Variants in LSM11 observed in about 807,000 individuals in gnomAD.
LSM11 encodes the protein LSM11, U7 small nuclear RNA associated.
A neutral mutation model predicts 28.1 loss-of-function variants in LSM11; 14 were observed. That is an observed-to-expected ratio of 0.50 (90% CI 0.33 to 0.78). LSM11 has a LOEUF of 0.78. Ranked by LOEUF, LSM11 falls within the 30% of genes least tolerant of loss-of-function variation. LSM11 has a pLI of 0.02. For missense variants in LSM11, 495 were observed against 510.6 expected (o/e 0.97, Z 0.30); for synonymous variants, 207 against 214.2 (o/e 0.97, Z 0.30).
rs1388806267 is a variant in LSM11, at chr5:157,755,419, T to C, written c.*155T>C. ...AGGCTCAGCCCCCTGGAAGATGAGC[T>C]CAAGGGGAGGACAGGCCTTGGGAGG... On this transcript the variant is annotated 3_prime_UTR_variant, in exon 4 of 4. Coordinates refer to ENST00000286307, the MANE Select transcript of LSM11 (RefSeq NM_173491.4). 2.5e-6 allele frequency: 2 copies of C among 810,470 alleles called. No homozygotes were observed. The highest frequency in any genetic ancestry group is 3.8e-6 in the Non-Finnish European group (2 of 528,926). 50.2% of individuals were successfully genotyped at this position (810,470 alleles called of 1,614,324 possible). A position where few individuals can be genotyped will look rare whatever the true frequency, so the allele number is the denominator to read the frequency against.
intron 2 of LSM11, among the ~76,000 whole-genome samples, chr5:157,751,873 A>G (rs917291683): frequency 7.2e-5 from 11 of 152,174 alleles, no homozygotes; most frequent in African/African-American, 2.4e-4. Flanking sequence ...AACACACAAG[A>G]TAGTCCCTCA....
At chr5:157,754,799 A>G in intron 3 of LSM11, 55 bp from the exon 4 acceptor site, 1 of 1,487,062 alleles carries the variant, frequency 6.7e-7, no homozygotes, top group Non-Finnish European at 9.1e-7. Flanking sequence ...GTATGTTGAA[A>G]GAGGGTGATG....
chr5:157,748,720 G>T (rs996958432), intron 1 of LSM11, among the ~76,000 whole-genome samples: 1 of 152,088 alleles, frequency 6.6e-6, no homozygotes, highest in Non-Finnish European at 1.5e-5. Context: ...CAAGTTTTAG[G>T]TCTTTAAAGA....
At position 157,755,193 on chromosome 5, in the gene LSM11, G is replaced by A. The variant is rs774851333; in HGVS notation, c.1012G>A (p.Val338Ile). Residue 338 changes from valine (V) to isoleucine (I), a missense_variant, in exon 4 of 4, where the codon GTA (valine) becomes ATA (isoleucine). Val to Ile is a conservative substitution (Grantham distance 29, BLOSUM62 3). Transcript: ENST00000286307. ...KRKPKVDYQQ[V>I]FTRHINQIFI... ...AAAGCCCAAAGTGGATTACCAGCAG[G>A]TATTCACTCGACACATAAATCAGAT... 6.2e-7 allele frequency: 1 copy of A among 1,614,238 alleles called. No homozygotes were observed. The highest frequency in any genetic ancestry group is 8.5e-7 in the Non-Finnish European group (1 of 1,180,028).
In LSM11 at chr5:157,759,096, ACCT is replaced by A. The variant is rs1761373515; in HGVS notation, c.*3833_*3835del. On this transcript the variant is annotated 3_prime_UTR_variant, in exon 4 of 4. Transcript: ENST00000286307. ...GGAGAGTGGCTTTAGACCAGTCAGT[ACCT>A]TGCTCTTTGTGCATGGTGCATGTCA... 6.6e-6 allele frequency: 1 copy of A among 152,190 alleles called. No homozygotes were observed. The highest frequency in any genetic ancestry group is 6.5e-5 in the Admixed American group (1 of 15,272). The allele number at this position is 152,190 out of a possible 1,614,324, so 9.4% of individuals were successfully genotyped here. A position where few individuals can be genotyped will look rare whatever the true frequency, so the allele number is the denominator to read the frequency against.
chr5:157,750,093 A>G (rs1761207827), intron 1 of LSM11, among the ~76,000 whole-genome samples: 3 of 151,896 alleles, frequency 2.0e-5, no homozygotes, highest in South Asian at 2.1e-4. Context: ...ACGCACGAGA[A>G]AGAGAGAGAG....
At chr5:157,744,681 G>A (rs1761119984) in intron 1 of LSM11, among the ~76,000 whole-genome samples, 1 of 152,236 alleles carries the variant, frequency 6.6e-6, no homozygotes, top group South Asian at 2.1e-4. Flanking sequence ...GAGACGTGGG[G>A]GAGCGCACAG....
At position 157,755,685 on chromosome 5, in the gene LSM11, G is replaced by A. The variant is rs1380856318; in HGVS notation, c.*421G>A. The A allele has an allele frequency of 2.5e-6, 1 of 404,044 alleles. No individual in the cohort carries two copies. The allele number at this position is 404,044 out of a possible 1,614,324, so 25.0% of individuals were successfully genotyped here. On this transcript the variant is annotated 3_prime_UTR_variant, in exon 4 of 4. Coordinates refer to ENST00000286307, the MANE Select transcript of LSM11 (RefSeq NM_173491.4). ...TCATGAATTCGATTCCAAGAGTAGT[G>A]GTGTAAATTGCCTTGGAGCCCTGCA...
In LSM11 at chr5:157,744,176, C is replaced by A; in HGVS notation, c.426C>A (p.Arg142=). The A allele has an allele frequency of 7.4e-7, 1 of 1,360,082 alleles. No individual in the cohort carries two copies. Among genetic ancestry groups the A allele is most frequent in the Non-Finnish European group, 9.5e-7 (1 of 1,055,052 alleles). 84.3% of individuals were successfully genotyped at this position (1,360,082 alleles called of 1,614,324 possible). ...RGPGRSRKAP[R]NVLTRMPLHE... ...CGGGTCGGAGCAGGAAGGCGCCACG[C>A]AACGTGCTCACGCGAATGCCCTGTG... The change falls in exon 1 of 4, where the codon CGC becomes CGA. Residue 142 remains arginine, a synonymous_variant. Transcript: ENST00000286307.
Position 157,755,924 on chromosome 5 carries a change from T to G in LSM11, c.*660T>G. 2 of 381,340 alleles carry G rather than the reference T, an allele frequency of 5.2e-6. No individual in the cohort carries two copies. The highest frequency in any genetic ancestry group is 9.3e-6 in the Non-Finnish European group (2 of 215,714). The allele number at this position is 381,340 out of a possible 1,614,324, so 23.6% of individuals were successfully genotyped here. Reference sequence around the variant, plus strand: ...AAAGGAGTACAGGACCTCTTCAGTCTTCCCCTTACCAGAGGTAGCCTCTGC... The same window carrying G: ...AAAGGAGTACAGGACCTCTTCAGTCGTCCCCTTACCAGAGGTAGCCTCTGC... On this transcript the variant is annotated 3_prime_UTR_variant, in exon 4 of 4. Coordinates refer to ENST00000286307, the MANE Select transcript of LSM11 (RefSeq NM_173491.4).
rs1169599652 is a variant in LSM11, at chr5:157,757,354, T to C, written c.*2090T>C. 6.6e-6 allele frequency: 1 copy of C among 152,102 alleles called. No homozygotes were observed. Among genetic ancestry groups the C allele is most frequent in the Non-Finnish European group, 1.5e-5 (1 of 68,006 alleles). 9.4% of individuals were successfully genotyped at this position (152,102 alleles called of 1,614,324 possible). A position where few individuals can be genotyped will look rare whatever the true frequency, so the allele number is the denominator to read the frequency against. On this transcript the variant is annotated 3_prime_UTR_variant, in exon 4 of 4. Coordinates refer to ENST00000286307, the MANE Select transcript of LSM11 (RefSeq NM_173491.4). The stretch of plus-strand genomic sequence containing the variant: ...AACTTTTTTTTTGCTGCTCCCGCTA[T>C]ATCCCAGGCCTCACCCTTTTCTGAT...
intron 3 of LSM11, 47 bp from the exon 4 acceptor site, chr5:157,754,807 A>G: frequency 1.3e-6 from 2 of 1,530,740 alleles, no homozygotes; most frequent in African/African-American, 1.4e-5. Flanking sequence ...AAAGAGGGTG[A>G]TGAAGGCTAA....
rs1490598344 is a variant in LSM11 at position 157,756,369 on chromosome 5, A to G, written c.*1105A>G. On this transcript the variant is annotated 3_prime_UTR_variant, in exon 4 of 4. Transcript: ENST00000286307. ...CACCATAGCACCCACAAATACTTCT[A>G]CTTGAATCATATTCTGTGCTTTTTC... is the stretch of plus-strand genomic sequence containing the variant. 7 of 152,648 alleles carry G rather than the reference A, an allele frequency of 4.6e-5. No homozygotes were observed. The highest frequency in any genetic ancestry group is 1.7e-4 in the African/African-American group (7 of 41,446). The allele number at this position is 152,648 out of a possible 1,614,324, so 9.5% of individuals were successfully genotyped here.
intron 2 of LSM11, 92 bp from the exon 3 acceptor site, chr5:157,753,912 G>A (rs887390153): frequency 1.4e-4 from 129 of 893,594 alleles, no homozygotes; most frequent in Non-Finnish European, 1.0e-4. Context: ...CTGAATAGAT[G>A]TTACTCTGCC....
In LSM11 at chr5:157,754,995, C is replaced by G; in HGVS notation, c.814C>G (p.Arg272Gly). ...AGTGTGGGGAAGAGCAGACACTGGC[C>G]GGGGCTCACACAAGCGTTCCCGCTC... Reference protein sequence around the residue: ...ASVWGRADTGRGSHKRSRSVP... With the variant: ...ASVWGRADTGGGSHKRSRSVP... Residue 272 changes from arginine to glycine, a missense_variant, in exon 4 of 4, where the codon CGG becomes GGG. Physicochemically the swap from Arg to Gly is moderately radical, Grantham distance 125. Transcript: ENST00000286307. 6.2e-7 allele frequency: 1 copy of G among 1,614,202 alleles called. No homozygotes were observed. Among genetic ancestry groups the G allele is most frequent in the Non-Finnish European group, 8.5e-7 (1 of 1,180,028 alleles).
Position 157,755,388 on chromosome 5 carries a change from C to T in LSM11, c.*124C>T, listed in dbSNP as rs568979201. ...CCTCTGGTCCTGCATATGCAGAGGA[C>T]GGAGCAGGCTCAGCCCCCTGGAAGA... is the stretch of plus-strand genomic sequence containing the variant. On this transcript the variant is annotated 3_prime_UTR_variant, in exon 4 of 4. Coordinates refer to ENST00000286307, the MANE Select transcript of LSM11 (RefSeq NM_173491.4). 115 of 1,098,130 alleles carry T rather than the reference C, an allele frequency of 1.0e-4. No individual in the cohort carries two copies. Among genetic ancestry groups the T allele is most frequent in the South Asian group, 4.3e-4 (27 of 63,314 alleles). 68.0% of individuals were successfully genotyped at this position (1,098,130 alleles called of 1,614,324 possible). A position where few individuals can be genotyped will look rare whatever the true frequency, so the allele number is the denominator to read the frequency against.
At chr5:157,752,054 G>A (rs1202502783) in intron 2 of LSM11, among the ~76,000 whole-genome samples, 9 of 152,140 alleles carry the variant, frequency 5.9e-5, no homozygotes, top group Non-Finnish European at 1.3e-4. Context: ...TGAACCCCAT[G>A]CTAGGTGCAA....
rs1761375939 is a variant in LSM11, at chr5:157,759,295, AC to A, written c.*4032del. 6.6e-6 allele frequency: 1 copy of A among 152,204 alleles called. No homozygotes were observed. The highest frequency in any genetic ancestry group is 1.5e-5 in the Non-Finnish European group (1 of 68,030). 9.4% of individuals were successfully genotyped at this position (152,204 alleles called of 1,614,324 possible). A position where few individuals can be genotyped will look rare whatever the true frequency, so the allele number is the denominator to read the frequency against. On this transcript the variant is annotated 3_prime_UTR_variant, in exon 4 of 4. Transcript: ENST00000286307. ...GCTGCCCTTAATCCTCAGAAGCCTT[AC>A]AAAAATTGAGATGTACCATTTCTAC...
rs1761318530 is a variant in LSM11, at chr5:157,755,875, T to C, written c.*611T>C. On this transcript the variant is annotated 3_prime_UTR_variant, in exon 4 of 4. Transcript: ENST00000286307. ...AAAGCAGCCAGCAATGAGTGCTCTG[T>C]TTTGATCCTTCTTCTTATTATGGAA... The C allele has an allele frequency of 2.5e-6, 1 of 396,910 alleles. No homozygotes were observed. The highest frequency in any genetic ancestry group is 1.4e-4 in the South Asian group (1 of 7,038). 24.6% of individuals were successfully genotyped at this position (396,910 alleles called of 1,614,324 possible). A position where few individuals can be genotyped will look rare whatever the true frequency, so the allele number is the denominator to read the frequency against.
Sources: gnomAD v4.1 joint callset for allele counts (sites outside exome capture counted in the v4.1 genomes callset) on GRCh38, gnomAD v4.1.1 for gene constraint, MANE v1.5 for transcripts, NCBI Gene and HGNC (gene_info 2026-07-23, HGNC 2026-07-21) for gene names.